The following KPNA1 variants were observed in gnomAD, a reference collection of about 807,000 sequenced individuals.
KPNA1 encodes importin subunit alpha-5.
A neutral mutation model predicts 70.5 loss-of-function variants in KPNA1; 10 were observed. The observed-to-expected ratio is 0.14, with a 90% CI of 0.09 to 0.24. KPNA1 has a LOEUF of 0.24. Among genes scored for constraint, KPNA1 ranks in the 10% least tolerant of loss-of-function variants. The probability of loss-of-function intolerance (pLI) is 1.00; values close to 1 mark genes in which losing one functional copy is unlikely to be tolerated. For synonymous variants in KPNA1, 192 were observed against 221.9 expected, an observed-to-expected ratio of 0.87 and a Z score of 1.20; for missense variants, 397 against 637.9, an observed-to-expected ratio of 0.62 and a Z score of 4.07.
At chr3:122,512,665 C>G (rs1398246411) in intron 1 of KPNA1, among the ~76,000 whole-genome samples, 1 of 152,050 alleles carries the variant, frequency 6.6e-6, no homozygotes, top group South Asian at 2.1e-4. Flanking sequence ...GCAGAGGCTG[C>G]AGTAAGCCGA....
At chr3:122,491,738 G>A (rs182172908) in intron 2 of KPNA1, among the ~76,000 whole-genome samples, 1 of 151,022 alleles carries the variant, frequency 6.6e-6, no homozygotes, top group African/African-American at 2.4e-5. Flanking sequence ...GGTAATAGAG[G>A]TCATACAGAA....
intron 1 of KPNA1, among the ~76,000 whole-genome samples, chr3:122,505,595 T>C (rs972084993): frequency 6.6e-6 from 1 of 151,220 alleles, no homozygotes; most frequent in Admixed American, 6.6e-5. Context: ...GCCTTCAAAA[T>C]TAAAGCCATT....
At chr3:122,457,706 A>G in intron 5 of KPNA1, 1 of 1,278,254 alleles carries the variant, frequency 7.8e-7, no homozygotes, top group Non-Finnish European at 1.0e-6. Context: ...ATGAGAATCC[A>G]AAGCTGAAGT....
At chr3:122,445,235 G>A (rs891175704) in intron 9 of KPNA1, among the ~76,000 whole-genome samples, 3 of 152,078 alleles carry the variant, frequency 2.0e-5, no homozygotes, top group Admixed American at 6.5e-5. Flanking sequence ...TGAAAACCAT[G>A]GCACAAGAAC....
intron 2 of KPNA1, among the ~76,000 whole-genome samples, chr3:122,484,378 T>C (rs1242694067): frequency 1.3e-5 from 2 of 152,124 alleles, no homozygotes; most frequent in African/African-American, 4.8e-5. Context: ...AAAATAAACA[T>C]GACCGGGCAC....
intron 10 of KPNA1, among the ~76,000 whole-genome samples, chr3:122,437,897 C>G (rs2076010185): frequency 1.3e-5 from 2 of 152,180 alleles, no homozygotes; most frequent in Non-Finnish European, 2.9e-5. Context: ...GAACAGAGAT[C>G]TATTCTAGAA....
chr3:122,485,406 A>C (rs1377798603), intron 2 of KPNA1, among the ~76,000 whole-genome samples: 1 of 152,018 alleles, frequency 6.6e-6, no homozygotes, highest in Non-Finnish European at 1.5e-5. Flanking sequence ...TCAATGGGGG[A>C]AATAATCTTT....
rs150552850 is a variant in KPNA1, at chr3:122,430,369, C to A, written c.1251-2653G>T. Among the ~76,000 whole-genome samples, 499 of 152,150 alleles carry A rather than the reference C, an allele frequency of 3.3e-3. 3 individuals carry two copies. The highest frequency in any genetic ancestry group is 0.012 in the African/African-American group (479 of 41,500). ...TGAAGGTTGGGGATGTTTCCTTGAC[C>A]AGAAATATCACGTAGTAACTCAACT... is the stretch of plus-strand genomic sequence containing the variant. On this transcript the variant is annotated intron_variant, in intron 12 of 13. Coordinates refer to ENST00000344337, the MANE Select transcript of KPNA1 (RefSeq NM_002264.4).
At chr3:122,437,491 A>C (rs1035467918) in intron 10 of KPNA1, among the ~76,000 whole-genome samples, 196 bp from the exon 11 acceptor site, 1 of 152,254 alleles carries the variant, frequency 6.6e-6, no homozygotes, top group Non-Finnish European at 1.5e-5. Flanking sequence ...TTCATTGTAC[A>C]CATTCACAAC....
intron 5 of KPNA1, 86 bp downstream of exon 5, chr3:122,461,138 A>G (rs1287561400): frequency 5.0e-6 from 4 of 793,254 alleles, no homozygotes; most frequent in Non-Finnish European, 6.2e-6. Flanking sequence ...CTTCATACAG[A>G]TAAAAATTAG....
chr3:122,462,650 TTTTAA>T (rs756272714), intron 4 of KPNA1, among the ~76,000 whole-genome samples: 13 of 152,110 alleles, frequency 8.5e-5, no homozygotes, highest in Admixed American at 1.3e-4. Flanking sequence ...GATAAGACTT[TTTTAA>T]AAGGGGTGAG....
At chr3:122,492,875 G>A (rs7631799) in intron 2 of KPNA1, among the ~76,000 whole-genome samples, 77,482 of 152,000 alleles carry the variant, frequency 0.51, 20,223 homozygotes, top group East Asian at 0.65. Flanking sequence ...GCTGAGCTTC[G>A]GATAAAGGAC....
intron 10 of KPNA1, among the ~76,000 whole-genome samples, chr3:122,441,602 C>CT (rs374275451): frequency 6.4e-4 from 94 of 147,338 alleles, no homozygotes; most frequent in Admixed American, 8.8e-4. Context: ...CCTAAACCAA[C>CT]TTTTTTTTTT....
At chr3:122,507,748 T>C (rs1041349473) in intron 1 of KPNA1, among the ~76,000 whole-genome samples, 3 of 152,038 alleles carry the variant, frequency 2.0e-5, no homozygotes, top group Admixed American at 2.0e-4. Flanking sequence ...GAATGATTTT[T>C]TGGGGGGTTA....
At chr3:122,486,830 G>A (rs951574360) in intron 2 of KPNA1, among the ~76,000 whole-genome samples, 1 of 151,862 alleles carries the variant, frequency 6.6e-6, no homozygotes, top group Admixed American at 6.6e-5. Context: ...CTCGTGATCC[G>A]CCCGCCTCAG....
intron 5 of KPNA1, chr3:122,460,307 G>A: frequency 1.0e-6 from 1 of 985,088 alleles, no homozygotes; most frequent in Non-Finnish European, 1.2e-6. Context: ...TCTAGGATGA[G>A]AGTCAGCTGA....
chr3:122,428,739 TTC>T (rs2075857438), intron 12 of KPNA1, among the ~76,000 whole-genome samples: 3 of 152,208 alleles, frequency 2.0e-5, no homozygotes, highest in Admixed American at 1.3e-4. Context: ...CATTAATAAC[TTC>T]CCAGAATAGA....
At chr3:122,485,437 G>A (rs1212762017) in intron 2 of KPNA1, among the ~76,000 whole-genome samples, 2 of 145,766 alleles carry the variant, frequency 1.4e-5, no homozygotes, top group Non-Finnish European at 3.0e-5. Context: ...GCACCTGAAC[G>A]ACTGGATAGC....
chr3:122,473,614 G>T (rs2076466698), intron 2 of KPNA1, among the ~76,000 whole-genome samples: 1 of 151,872 alleles, frequency 6.6e-6, no homozygotes, highest in African/African-American at 2.4e-5. Context: ...GACTAAGGAA[G>T]AAAAATCACA....
Sources: allele counts gnomAD v4.1 joint callset (sites outside exome capture counted in the v4.1 genomes callset), GRCh38; gene constraint gnomAD v4.1.1; transcripts MANE v1.5; gene names NCBI Gene and HGNC (gene_info 2026-07-23, HGNC 2026-07-21).